OTOGL: variants seen among roughly 807,000 people sequenced by gnomAD.
OTOGL encodes otogelin-like protein.
In OTOGL, 285 loss-of-function variants were observed where a neutral mutation model predicts 318.5. That is an observed-to-expected ratio of 0.89 (90% CI 0.81 to 0.99). OTOGL has a LOEUF of 0.99. Among genes scored for constraint, OTOGL ranks in the 50% least tolerant of loss-of-function variants. OTOGL has a pLI of 0.00. For synonymous variants in OTOGL, 987 were observed against 936.5 expected, an observed-to-expected ratio of 1.05 and a Z score of -0.99; for missense variants, 2,899 against 2,845.6, an observed-to-expected ratio of 1.02 and a Z score of -0.43.
At chr12:80,344,051 G>A (rs548989297) in intron 44 of OTOGL, among the ~76,000 whole-genome samples, 1 of 152,120 alleles carries the variant, frequency 6.6e-6, no homozygotes, top group African/African-American at 2.4e-5. Flanking sequence ...GGGAAAAGAC[G>A]AAAGTATGAA....
chr12:80,375,259 T>C (rs1023457266), intron 57 of OTOGL, among the ~76,000 whole-genome samples: 1 of 152,160 alleles, frequency 6.6e-6, no homozygotes, highest in Admixed American at 6.6e-5. Flanking sequence ...GAATTAGAAA[T>C]GACTCTTGGT....
At chr12:80,260,868 G>C in intron 18 of OTOGL, among the ~76,000 whole-genome samples, 1 of 152,114 alleles carries the variant, frequency 6.6e-6, no homozygotes, top group East Asian at 1.9e-4. Context: ...AGAGAAGGAA[G>C]GGGAAAGAAT....
At chr12:80,308,614 G>C (rs978804616) in intron 29 of OTOGL, among the ~76,000 whole-genome samples, 4 of 152,168 alleles carry the variant, frequency 2.6e-5, no homozygotes, top group African/African-American at 9.7e-5. Flanking sequence ...GCCAAGGCAG[G>C]CTGCTGGGAG....
At chr12:80,339,293 C>T (rs761667042) in intron 43 of OTOGL, 29 bp downstream of exon 43, 30 of 527,420 alleles carry the variant, frequency 5.7e-5, no homozygotes, top group South Asian at 1.1e-4. Context: ...ATCTTGATTT[C>T]GTCTGTTTTT....
At chr12:80,306,443 A>G (rs796672881) in intron 29 of OTOGL, among the ~76,000 whole-genome samples, 2 of 152,220 alleles carry the variant, frequency 1.3e-5, no homozygotes, top group South Asian at 4.1e-4. Context: ...GTTCTTTTCA[A>G]TTGATAAGAG....
At chr12:80,351,385 G>A (rs918238591) in intron 44 of OTOGL, among the ~76,000 whole-genome samples, 2 of 151,820 alleles carry the variant, frequency 1.3e-5, no homozygotes, top group Non-Finnish European at 2.9e-5. Context: ...GTGCGATCTC[G>A]GCTCACTGCA....
At chr12:80,137,257 C>T (rs752365751) in intron 1 of OTOGL, among the ~76,000 whole-genome samples, 10 of 151,502 alleles carry the variant, frequency 6.6e-5, no homozygotes, top group Non-Finnish European at 1.3e-4. Context: ...AATAGTATCT[C>T]GGTAGCAAAG....
chr12:80,226,959 C>T (rs924261431), intron 7 of OTOGL, among the ~76,000 whole-genome samples: 8 of 152,208 alleles, frequency 5.3e-5, no homozygotes, highest in Middle Eastern at 3.4e-3. Context: ...TTACATATAA[C>T]CTTACTCAAC....
At chr12:80,261,162 C>T (rs1882494323) in intron 18 of OTOGL, among the ~76,000 whole-genome samples, 1 of 152,114 alleles carries the variant, frequency 6.6e-6, no homozygotes. Flanking sequence ...AATGCCTACT[C>T]TTCTACTTAG....
chr12:80,219,583 C>T, intron 5 of OTOGL, among the ~76,000 whole-genome samples: 1 of 152,148 alleles, frequency 6.6e-6, no homozygotes, highest in Middle Eastern at 3.2e-3. Context: ...CCTTTGCTCT[C>T]AGGGTAGTCT....
rs1890675690 is a variant in OTOGL at position 80,368,304 on chromosome 12, T to G, written c.6610T>G (p.Tyr2204Asp). Reference protein sequence around the residue: ...FHMENGTSVVYAVGSTWHYNC... With the variant: ...FHMENGTSVVDAVGSTWHYNC... ...CATGGAAAATGGAACATCAGTTGTA[T>G]ACGCGGTATGTTTCATGGAGAGTAA... The change falls in exon 55 of 59, where the codon TAC (tyrosine) becomes GAC (aspartate). Residue 2204 changes from tyrosine to aspartate, a missense_variant. By Grantham distance (160) the Tyr-to-Asp change is radical (BLOSUM62 -3). Around this residue, in one of 3 missense-constraint regions of OTOGL, gnomAD observed 289 missense variants for 304.6 expected, o/e 0.95. Transcript: ENST00000547103. 1 of 1,579,704 alleles carries G rather than the reference T, an allele frequency of 6.3e-7. No homozygotes were observed. The highest frequency in any genetic ancestry group is 1.8e-5 in the Admixed American group (1 of 56,666).
chr12:80,301,732 C>T (rs753282216), intron 27 of OTOGL, among the ~76,000 whole-genome samples: 42 of 152,142 alleles, frequency 2.8e-4, no homozygotes, highest in Non-Finnish European at 3.7e-4. Context: ...CTTCCTGCCC[C>T]CCTACACACA....
chr12:80,313,073 G>A (rs568848913), intron 30 of OTOGL, among the ~76,000 whole-genome samples: 1 of 152,256 alleles, frequency 6.6e-6, no homozygotes, highest in East Asian at 1.9e-4. Flanking sequence ...TAGCCATTAG[G>A]ATGTTGCATG....
At chr12:80,277,133 GTAAAT>G (rs1454463384) in intron 24 of OTOGL, among the ~76,000 whole-genome samples, 2 of 146,256 alleles carry the variant, frequency 1.4e-5, no homozygotes, top group Non-Finnish European at 3.0e-5. Context: ...TGTTATTTAA[GTAAAT>G]TAAATTATAG....
intron 45 of OTOGL, 95 bp from the exon 46 acceptor site, chr12:80,353,230 A>G: frequency 9.0e-7 from 1 of 1,110,244 alleles, no homozygotes; most frequent in Non-Finnish European, 1.2e-6. Context: ...TTTGCAAAAT[A>G]TATTTTCTAA....
chr12:80,296,597 T>A (rs917979167), intron 26 of OTOGL, among the ~76,000 whole-genome samples: 1 of 152,174 alleles, frequency 6.6e-6, no homozygotes, highest in Non-Finnish European at 1.5e-5. Flanking sequence ...TAAACTTGGC[T>A]GGAACAAAAT....
intron 1 of OTOGL, among the ~76,000 whole-genome samples, chr12:80,134,785 T>G (rs1871445828): frequency 6.6e-6 from 1 of 152,334 alleles, no homozygotes; most frequent in African/African-American, 2.4e-5. Context: ...TCTATGTTTA[T>G]GTCAGTAATC....
At position 80,370,573 on chromosome 12, in the gene OTOGL, G is replaced by T; in HGVS notation, c.6619G>T (p.Gly2207Trp). ...ENGTSVVYAV[G>W]STWHYNCTTY... Reference sequence around the variant, plus strand: ...TAACTTTCTTTTTGATTTTTAGGTAGGGAGTACCTGGCACTACAATTGCAC... The same window carrying T: ...TAACTTTCTTTTTGATTTTTAGGTATGGAGTACCTGGCACTACAATTGCAC... The change falls in exon 56 of 59, where the codon GGG becomes TGG. Residue 2207 changes from glycine (G) to tryptophan (W), a missense_variant. By Grantham distance (184) the Gly-to-Trp change is radical (BLOSUM62 -2). Coordinates refer to ENST00000547103, the MANE Select transcript of OTOGL (RefSeq NM_001378609.3). 6.6e-7 allele frequency: 1 copy of T among 1,519,884 alleles called. No homozygotes were observed. The highest frequency in any genetic ancestry group is 8.8e-7 in the Non-Finnish European group (1 of 1,136,812). 94.1% of individuals were successfully genotyped at this position (1,519,884 alleles called of 1,614,324 possible). A position where few individuals can be genotyped will look rare whatever the true frequency, so the allele number is the denominator to read the frequency against.
intron 44 of OTOGL, 148 bp downstream of exon 44, chr12:80,342,310 T>A (rs1888832728): frequency 3.2e-6 from 2 of 618,130 alleles, no homozygotes; most frequent in Non-Finnish European, 5.5e-6. Flanking sequence ...CAGAATCACT[T>A]ATTGTTTACA....
Sources: allele counts gnomAD v4.1 joint callset (sites outside exome capture counted in the v4.1 genomes callset), GRCh38; gene constraint gnomAD v4.1.1; regional missense constraint gnomAD v4.1.1; transcripts MANE v1.5; gene names NCBI Gene and HGNC (gene_info 2026-07-23, HGNC 2026-07-21).